The following NTM variants were observed in gnomAD, a reference collection of about 807,000 sequenced individuals.
NTM encodes the protein neurotrimin.
A neutral mutation model predicts 42.1 loss-of-function variants in NTM; 13 were observed. That is an observed-to-expected ratio of 0.31 (90% CI 0.20 to 0.49). The LOEUF is 0.49. Among genes scored for constraint, NTM ranks in the 20% least tolerant of loss-of-function variants. The pLI, the probability that NTM is intolerant of heterozygous loss-of-function variation, is 0.99. For missense variants in NTM, 373 were observed against 452.8 expected, an observed-to-expected ratio of 0.82 and a Z score of 1.60; for synonymous variants, 187 against 179.2, an observed-to-expected ratio of 1.04 and a Z score of -0.35.
chr11:131,944,236 T>C (rs76467867), intron 2 of NTM, among the ~76,000 whole-genome samples: 2,472 of 152,350 alleles, frequency 0.016, 62 homozygotes, highest in African/African-American at 0.054. Flanking sequence ...ATTCTCCATT[T>C]GTTAAAATCA....
chr11:131,728,637 C>A (rs1161093180), intron 1 of NTM, among the ~76,000 whole-genome samples: 1 of 152,180 alleles, frequency 6.6e-6, no homozygotes, highest in Admixed American at 6.5e-5. Flanking sequence ...TTATTTATGT[C>A]CTGCTGCTCA....
intron 1 of NTM, among the ~76,000 whole-genome samples, chr11:131,704,840 T>C (rs191666312): frequency 9.9e-5 from 15 of 152,260 alleles, no homozygotes; most frequent in Admixed American, 5.2e-4. Flanking sequence ...AAAAGTTCCA[T>C]AGAGAACTTC....
intron 3 of NTM, among the ~76,000 whole-genome samples, chr11:132,164,434 A>G (rs931251900): frequency 6.6e-6 from 1 of 152,214 alleles, no homozygotes; most frequent in African/African-American, 2.4e-5. Flanking sequence ...TCAGATGGCA[A>G]TAGTCAGTAA....
intron 1 of NTM, among the ~76,000 whole-genome samples, chr11:131,848,752 A>T (rs2045208765): frequency 1.3e-5 from 2 of 152,174 alleles, no homozygotes; most frequent in African/African-American, 4.8e-5. Flanking sequence ...TTGGCCCCAA[A>T]TCGCACACCT....
intron 7 of NTM, among the ~76,000 whole-genome samples, chr11:132,321,011 C>A (rs1162735379): frequency 2.0e-5 from 3 of 150,516 alleles, no homozygotes; most frequent in Non-Finnish European, 4.4e-5. Context: ...ACATCCACAC[C>A]AAAAACCCAT....
intron 2 of NTM, among the ~76,000 whole-genome samples, chr11:131,973,138 C>T (rs556096891): frequency 6.6e-6 from 1 of 152,322 alleles, no homozygotes; most frequent in South Asian, 2.1e-4. Context: ...CCTTTTTCCT[C>T]TGTTCCCATC....
At chr11:131,390,681 A>C (rs1025888669) in intron 1 of NTM, among the ~76,000 whole-genome samples, 1 of 152,042 alleles carries the variant, frequency 6.6e-6, no homozygotes, top group Non-Finnish European at 1.5e-5. Flanking sequence ...TTTCAGGGAG[A>C]CACTTCAGTT....
At chr11:132,129,456 T>C (rs1314781967) in intron 2 of NTM, among the ~76,000 whole-genome samples, 2 of 152,218 alleles carry the variant, frequency 1.3e-5, no homozygotes, top group Non-Finnish European at 2.9e-5. Flanking sequence ...GTATCAGAAC[T>C]CTGGGTAACT....
At chr11:131,469,604 T>A (rs970210445) in intron 1 of NTM, among the ~76,000 whole-genome samples, 3 of 152,176 alleles carry the variant, frequency 2.0e-5, no homozygotes, top group Non-Finnish European at 4.4e-5. Context: ...AGTCAGTTGC[T>A]AGGCAGCTGA....
intron 1 of NTM, among the ~76,000 whole-genome samples, chr11:131,744,114 CT>C (rs1358123405): frequency 1.3e-5 from 2 of 152,170 alleles, no homozygotes; most frequent in African/African-American, 4.8e-5. Context: ...TGAAGCATGT[CT>C]CTTAACCTTT....
intron 3 of NTM, among the ~76,000 whole-genome samples, chr11:132,210,682 T>C (rs1241282037): frequency 3.9e-5 from 6 of 152,122 alleles, no homozygotes; most frequent in Non-Finnish European, 1.5e-5. Flanking sequence ...ACTGGAGAAT[T>C]AGGCTCAGAT....
At chr11:131,610,217 C>T (rs760387790) in intron 1 of NTM, among the ~76,000 whole-genome samples, 9 of 152,174 alleles carry the variant, frequency 5.9e-5, no homozygotes, top group African/African-American at 1.2e-4. Context: ...CCAGCAAGGG[C>T]GGAGTAAATG....
At chr11:131,705,193 A>C (rs889868985) in intron 1 of NTM, among the ~76,000 whole-genome samples, 1 of 152,212 alleles carries the variant, frequency 6.6e-6, no homozygotes, top group Non-Finnish European at 1.5e-5. Flanking sequence ...AAATTTGAAA[A>C]AATCAAAAAC....
chr11:131,465,830 A>C (rs1269564913), intron 1 of NTM, among the ~76,000 whole-genome samples: 1 of 140,116 alleles, frequency 7.1e-6, no homozygotes, highest in Non-Finnish European at 1.5e-5. Flanking sequence ...GCTTCATAGA[A>C]AAGGTCTGTG....
chr11:132,282,909 C>G (rs1375736366), intron 4 of NTM, among the ~76,000 whole-genome samples: 3 of 147,172 alleles, frequency 2.0e-5, no homozygotes, highest in South Asian at 2.2e-4. Context: ...GGTTAAACAA[C>G]TTTATCAACA....
At position 131,522,159 on chromosome 11, in the gene NTM, G is replaced by A. The variant is rs182951176; in HGVS notation, c.82+151271G>A. Among the ~76,000 whole-genome samples, 8 of 152,122 alleles carry A rather than the reference G, an allele frequency of 5.3e-5. No homozygotes were observed. The East Asian group carries it at 1.6e-3, about 30-fold the overall frequency. The stretch of plus-strand genomic sequence containing the variant: ...GTTAATTTACTGCTTGGGTCATCCG[G>A]GATCTCTTCCCCTCCCAGACTTAGC... On this transcript the variant is annotated intron_variant, in intron 1 of 8. Coordinates refer to ENST00000683400, the MANE Select transcript of NTM (RefSeq NM_001352005.2).
In NTM at chr11:132,062,870, G is replaced by C. The variant is rs1023314244; in HGVS notation, c.168-83412G>C. 9.2e-5 allele frequency among the ~76,000 whole-genome samples: 14 copies of C among 152,082 alleles called. 1 individual carries two copies. The highest frequency in any genetic ancestry group is 3.9e-4 in the Admixed American group (6 of 15,266). ...ATTATACAAAGAAATGGAAGGCCAG[G>C]GTTCTCAGTCTCTTGTTTATTTGTG... is the stretch of plus-strand genomic sequence containing the variant. On this transcript the variant is annotated intron_variant, in intron 2 of 8. Coordinates refer to ENST00000683400, the MANE Select transcript of NTM (RefSeq NM_001352005.2).
chr11:131,957,243 GAA>G (rs1407122474), intron 2 of NTM, among the ~76,000 whole-genome samples: 3 of 152,094 alleles, frequency 2.0e-5, no homozygotes, highest in African/African-American at 7.2e-5. Context: ...AGAGGTAAAA[GAA>G]AAAAGTCTAA....
chr11:132,002,986 C>T lies in NTM; in HGVS notation c.167+91338C>T, dbSNP rs1425364278. Among the ~76,000 whole-genome samples, 2 of 152,146 alleles carry T rather than the reference C, an allele frequency of 1.3e-5. No homozygotes were observed. The highest frequency in any genetic ancestry group is 4.8e-5 in the African/African-American group (2 of 41,396). The stretch of plus-strand genomic sequence containing the variant: ...GTCTTCAAGAAGCTTTTACTGTCCG[C>T]CTGTCAAAGTTCCTGAGCAGCAGCT... On this transcript the variant is annotated intron_variant, in intron 2 of 8. Coordinates refer to ENST00000683400, the MANE Select transcript of NTM (RefSeq NM_001352005.2). The surrounding 1 kb of genome is among the most constrained non-coding windows in gnomAD (Gnocchi z 4.5).
Sources: gnomAD v4.1 joint callset for allele counts (sites outside exome capture counted in the v4.1 genomes callset) on GRCh38, gnomAD v4.1.1 for gene constraint, Gnocchi (gnomAD v3.1) non-coding constraint, MANE v1.5 for transcripts, NCBI Gene and HGNC (gene_info 2026-07-23, HGNC 2026-07-21) for gene names.